The following TSPAN33 variants were observed in gnomAD, a reference collection of about 807,000 sequenced individuals.
TSPAN33 encodes tetraspanin-33.
TSPAN33 carries 27 observed loss-of-function variants against 34.8 expected under a neutral mutation model. The observed-to-expected ratio is 0.78, with a 90% CI of 0.57 to 1.07. The LOEUF is 1.07. Ranked by LOEUF, TSPAN33 falls within the 50% of genes least tolerant of loss-of-function variation. The pLI, the probability that TSPAN33 is intolerant of heterozygous loss-of-function variation, is 0.00. For missense variants in TSPAN33, 272 were observed against 324.9 expected, an observed-to-expected ratio of 0.84 and a Z score of 1.25; for synonymous variants, 119 against 124.2, an observed-to-expected ratio of 0.96 and a Z score of 0.28.
chr7:129,162,706 G>A (rs981681664), intron 3 of TSPAN33, 127 bp from the exon 4 acceptor site: 2 of 1,401,890 alleles, frequency 1.4e-6, no homozygotes, highest in Non-Finnish European at 2.0e-6. Context: ...TGTCCCAGAG[G>A]CAGCTGCCTT....
rs1793146872 is a variant in TSPAN33 at position 129,166,778 on chromosome 7, T to G, written c.460T>G (p.Phe154Val). 6.2e-7 allele frequency: 1 copy of G among 1,613,952 alleles called. No homozygotes were observed. Among genetic ancestry groups the G allele is most frequent in the East Asian group, 2.2e-5 (1 of 44,864 alleles). ...QNLIDFGQKK[F>V]SCCGGISYKD... The stretch of plus-strand genomic sequence containing the variant: ...TAACCTCTGGTGGGTTTTGTTGCAG[T>G]TTAGCTGCTGTGGAGGGATTTCCTA... The change falls in exon 6 of 8, where the codon TTT becomes GTT. Residue 154 changes from phenylalanine to valine, a missense_variant and splice_region_variant. By Grantham distance (50) the Phe-to-Val change is conservative. Coordinates refer to ENST00000486685, the MANE Select transcript of TSPAN33 (RefSeq NM_178562.5).
At chr7:129,162,296 C>G (rs1793065188) in intron 2 of TSPAN33, 98 bp from the exon 3 acceptor site, 1 of 1,534,750 alleles carries the variant, frequency 6.5e-7, no homozygotes, top group African/African-American at 1.4e-5. Context: ...GAGATTCCCC[C>G]ACCAGGGGAA....
At chr7:129,160,307 G>A (rs905291342) in intron 1 of TSPAN33, among the ~76,000 whole-genome samples, 10 of 152,302 alleles carry the variant, frequency 6.6e-5, no homozygotes, top group South Asian at 4.1e-4. Context: ...GGACAGTGGT[G>A]TCTAGCCAGC....
intron 1 of TSPAN33, among the ~76,000 whole-genome samples, chr7:129,158,914 C>A (rs1283541664): frequency 6.6e-6 from 1 of 151,708 alleles, no homozygotes; most frequent in Non-Finnish European, 1.5e-5. Context: ...CCATGCCCAG[C>A]TAATTTTTGT....
rs1793157908 is a variant in TSPAN33, at chr7:129,167,342, C to G, written c.589-57C>G. On this transcript the variant is annotated intron_variant, in intron 6 of 7. Transcript: ENST00000486685. The surrounding 1 kb of genome is among the most constrained non-coding windows in gnomAD (Gnocchi z 4.6). ...GGTGGGAAGCCCATCAGCTAAGGCC[C>G]CAAACAAAAAGTTATTGGAATTACA... 1.1e-5 allele frequency: 18 copies of G among 1,569,032 alleles called. No individual in the cohort carries two copies. The highest frequency in any genetic ancestry group is 1.5e-5 in the Non-Finnish European group (17 of 1,151,808).
intron 1 of TSPAN33, among the ~76,000 whole-genome samples, chr7:129,158,365 T>A (rs1232098271): frequency 6.6e-6 from 1 of 152,206 alleles, no homozygotes; most frequent in African/African-American, 2.4e-5. Context: ...GGCCCATAAA[T>A]ACAGTTAACT....
intron 1 of TSPAN33, among the ~76,000 whole-genome samples, chr7:129,155,931 A>G (rs1053221261): frequency 5.3e-5 from 8 of 151,938 alleles, no homozygotes; most frequent in African/African-American, 7.3e-5. Context: ...GATGAGGTCT[A>G]CGTTGCCTAG....
intron 1 of TSPAN33, among the ~76,000 whole-genome samples, chr7:129,146,845 G>A (rs754098383): frequency 2.0e-5 from 3 of 152,116 alleles, no homozygotes; most frequent in Non-Finnish European, 2.9e-5. Context: ...TTTATCTGCC[G>A]AGACTGTCTC....
rs1206217685 is a variant in TSPAN33 at position 129,167,569 on chromosome 7, C to T, written c.750+9C>T. On this transcript the variant is annotated intron_variant, in intron 7 of 7. Coordinates refer to ENST00000486685, the MANE Select transcript of TSPAN33 (RefSeq NM_178562.5). The surrounding 1 kb of genome is among the most constrained non-coding windows in gnomAD (Gnocchi z 4.6). ...GCCTGGCCATCCCCCAGGTAACTTA[C>T]CCTGTGAGACTTGTTGGTCCCACAC... The T allele has an allele frequency of 1.9e-6, 3 of 1,612,278 alleles. No homozygotes were observed. Among genetic ancestry groups the T allele is most frequent in the Non-Finnish European group, 2.5e-6 (3 of 1,178,812 alleles).
intron 2 of TSPAN33, among the ~76,000 whole-genome samples, chr7:129,162,071 C>T (rs1173793398): frequency 6.6e-6 from 1 of 152,246 alleles, no homozygotes; most frequent in Admixed American, 6.5e-5. Context: ...TATTTCACCA[C>T]ACAAGTCACC....
chr7:129,158,272 T>G (rs1033915334), intron 1 of TSPAN33, among the ~76,000 whole-genome samples: 1 of 152,212 alleles, frequency 6.6e-6, no homozygotes, highest in Non-Finnish European at 1.5e-5. Context: ...AATCACAGGT[T>G]CCAGCAATTA....
chr7:129,152,284 A>G (rs547115554), intron 1 of TSPAN33, among the ~76,000 whole-genome samples: 4 of 152,388 alleles, frequency 2.6e-5, no homozygotes, highest in Admixed American at 1.3e-4. Flanking sequence ...ATGAATGTTC[A>G]TAGCAATACT....
chr7:129,167,491 G>A lies in TSPAN33; in HGVS notation c.681G>A (p.Lys227=), dbSNP rs1793160591. ...TCTACACCAATGGCTGTATTGACAA[G>A]TTGGTCAACTGGATACACAGCAACC... is the stretch of plus-strand genomic sequence containing the variant. ...KVIYTNGCID[K]LVNWIHSNLF... Residue 227 remains lysine (K), a synonymous_variant, in exon 7 of 8, where the codon AAG becomes AAA. Coordinates refer to ENST00000486685, the MANE Select transcript of TSPAN33 (RefSeq NM_178562.5). The surrounding 1 kb of genome is among the most constrained non-coding windows in gnomAD (Gnocchi z 4.6). 6.2e-7 allele frequency: 1 copy of A among 1,614,224 alleles called. No homozygotes were observed. The highest frequency in any genetic ancestry group is 8.5e-7 in the Non-Finnish European group (1 of 1,180,036).
chr7:129,162,558 C>G (rs1481370662), intron 3 of TSPAN33, 37 bp downstream of exon 3: 1 of 1,606,898 alleles, frequency 6.2e-7, no homozygotes, highest in African/African-American at 1.3e-5. Flanking sequence ...GACCCTGGCC[C>G]TCTCCCCATC....
intron 4 of TSPAN33, among the ~76,000 whole-genome samples, chr7:129,164,209 A>G (rs948782821): frequency 2.0e-5 from 3 of 152,326 alleles, no homozygotes; most frequent in Non-Finnish European, 2.9e-5. Flanking sequence ...AATAGCATTC[A>G]GAGATAGATA....
chr7:129,162,918 G>T lies in TSPAN33; in HGVS notation c.363+11G>T. The T allele has an allele frequency of 6.2e-7, 1 of 1,613,216 alleles. No homozygotes were observed. Among genetic ancestry groups the T allele is most frequent in the South Asian group, 1.1e-5 (1 of 91,038 alleles). On this transcript the variant is annotated intron_variant, in intron 4 of 7. Transcript: ENST00000486685. ...GTCTTCTCAGACAAGGTAACACTGGGAGCCAGGAGGCCTCCTCAGGTGTGA... is the reference window on the plus strand; with the variant it reads ...GTCTTCTCAGACAAGGTAACACTGGTAGCCAGGAGGCCTCCTCAGGTGTGA...
In TSPAN33 at chr7:129,165,704, G is replaced by A. The variant is rs1183021327; in HGVS notation, c.460-1074G>A. Among the ~76,000 whole-genome samples, 1 of 152,142 alleles carries A rather than the reference G, an allele frequency of 6.6e-6. No individual in the cohort carries two copies. Among genetic ancestry groups the A allele is most frequent in the Non-Finnish European group, 1.5e-5 (1 of 68,030 alleles). On this transcript the variant is annotated intron_variant, in intron 5 of 7. Coordinates refer to ENST00000486685, the MANE Select transcript of TSPAN33 (RefSeq NM_178562.5). This position sits in a 1 kb window ranked among gnomAD's most constrained non-coding sequence, Gnocchi z 4.5. ...GCAGGCAGATCATTTGAGGTCAGGA[G>A]TTTGAGACTAGCCTGGCCAACATGA...
intron 5 of TSPAN33, 123 bp downstream of exon 5, chr7:129,164,692 G>A (rs1793110182): frequency 2.2e-6 from 2 of 907,680 alleles, no homozygotes; most frequent in Non-Finnish European, 3.5e-6. Context: ...CTGGGAAGGG[G>A]TTTGGCAAAA....
At position 129,167,191 on chromosome 7, in the gene TSPAN33, T is replaced by C. The variant is rs987068713; in HGVS notation, c.589-208T>C. On this transcript the variant is annotated intron_variant, in intron 6 of 7. Coordinates refer to ENST00000486685, the MANE Select transcript of TSPAN33 (RefSeq NM_178562.5). The surrounding 1 kb of genome is among the most constrained non-coding windows in gnomAD (Gnocchi z 4.6). ...GTGTCTTAGGGGTTTGTTGTACAGA[T>C]TATTCCACCACCCAGAGCAAAGAGA... Among the ~76,000 whole-genome samples the C allele has an allele frequency of 6.6e-6, 1 of 152,204 alleles. No individual in the cohort carries two copies. Among genetic ancestry groups the C allele is most frequent in the Non-Finnish European group, 1.5e-5 (1 of 68,044 alleles).
Sources: allele counts gnomAD v4.1 joint callset (sites outside exome capture counted in the v4.1 genomes callset), GRCh38; gene constraint gnomAD v4.1.1; non-coding constraint Gnocchi (gnomAD v3.1); transcripts MANE v1.5; gene names NCBI Gene and HGNC (gene_info 2026-07-23, HGNC 2026-07-21).